The following NELL1 variants were observed in gnomAD, a reference collection of about 807,000 sequenced individuals.
The protein encoded by NELL1 is neural EGFL like 1.
In NELL1, 76 loss-of-function variants were observed where a neutral mutation model predicts 107.4. The ratio of observed to expected loss-of-function variants is 0.71; its 90% CI spans 0.59 to 0.86. NELL1 has a LOEUF of 0.86. Among genes scored for constraint, NELL1 ranks in the 40% least tolerant of loss-of-function variants. The pLI is 0.00. For synonymous variants in NELL1, 353 were observed against 341.2 expected, an observed-to-expected ratio of 1.03 and a Z score of -0.38; for missense variants, 1,024 against 1,005.5, an observed-to-expected ratio of 1.02 and a Z score of -0.25.
intron 2 of NELL1, among the ~76,000 whole-genome samples, chr11:20,718,165 C>T (rs952580212): frequency 6.6e-6 from 1 of 152,152 alleles, no homozygotes; most frequent in African/African-American, 2.4e-5. Flanking sequence ...TCCAGAGCAG[C>T]ATTATCCAAT....
At chr11:20,877,092 G>A (rs958641116) in intron 4 of NELL1, among the ~76,000 whole-genome samples, 1 of 152,122 alleles carries the variant, frequency 6.6e-6, no homozygotes, top group African/African-American at 2.4e-5. Flanking sequence ...TACCATATTG[G>A]GCAGGGAAAA....
intron 15 of NELL1, among the ~76,000 whole-genome samples, chr11:21,518,708 C>G (rs1855636968): frequency 6.6e-6 from 1 of 152,146 alleles, no homozygotes; most frequent in South Asian, 2.1e-4. Context: ...ACAGTGTGAT[C>G]TACTGAGAGG....
At chr11:21,150,751 C>T (rs918170550) in intron 13 of NELL1, among the ~76,000 whole-genome samples, 9 of 152,032 alleles carry the variant, frequency 5.9e-5, no homozygotes, top group African/African-American at 2.2e-4. Flanking sequence ...GAGTGAGACC[C>T]AGAATTAGGT....
At chr11:21,559,400 G>T (rs767384900) in intron 16 of NELL1, among the ~76,000 whole-genome samples, 8 of 152,076 alleles carry the variant, frequency 5.3e-5, no homozygotes, top group East Asian at 1.9e-4. Context: ...TTAAGCCAGG[G>T]TTGGACAGGT....
At chr11:20,932,939 A>G (rs780163281) in intron 9 of NELL1, among the ~76,000 whole-genome samples, 1 of 152,270 alleles carries the variant, frequency 6.6e-6, no homozygotes, top group Non-Finnish European at 1.5e-5. Context: ...GGAAAACGTC[A>G]TAGGTAACAG....
chr11:21,180,684 T>G (rs1003553846), intron 13 of NELL1, among the ~76,000 whole-genome samples: 1 of 151,686 alleles, frequency 6.6e-6, no homozygotes, highest in African/African-American at 2.4e-5. Flanking sequence ...TCATAGAAGT[T>G]CCTTAGCTAT....
chr11:21,026,754 G>A (rs1289170012), intron 12 of NELL1, among the ~76,000 whole-genome samples: 2 of 152,082 alleles, frequency 1.3e-5, no homozygotes, highest in African/African-American at 4.8e-5. Flanking sequence ...AATATTCACC[G>A]TGATCCTTTG....
At chr11:21,246,229 TTA>T (rs1858488031) in intron 14 of NELL1, among the ~76,000 whole-genome samples, 1 of 152,164 alleles carries the variant, frequency 6.6e-6, no homozygotes, top group South Asian at 2.1e-4. Flanking sequence ...TGTCTCCATA[TTA>T]TATGTGAGCA....
chr11:21,143,802 A>G (rs1855917943), intron 13 of NELL1, among the ~76,000 whole-genome samples: 1 of 152,146 alleles, frequency 6.6e-6, no homozygotes, highest in Admixed American at 6.5e-5. Flanking sequence ...CTCCATTATA[A>G]AGTCCCGGCA....
chr11:21,336,985 T>C (rs1019709374), intron 14 of NELL1, among the ~76,000 whole-genome samples: 3 of 152,034 alleles, frequency 2.0e-5, no homozygotes, highest in Non-Finnish European at 4.4e-5. Context: ...TTATGCTCAG[T>C]TAAACAATAT....
At chr11:21,273,624 A>C (rs1015570137) in intron 14 of NELL1, among the ~76,000 whole-genome samples, 2 of 152,340 alleles carry the variant, frequency 1.3e-5, no homozygotes, top group East Asian at 1.9e-4. Flanking sequence ...AGTTGAAATG[A>C]AGGAAAAAAT....
chr11:21,460,644 G>A (rs1277198406), intron 15 of NELL1, among the ~76,000 whole-genome samples: 1 of 152,004 alleles, frequency 6.6e-6, no homozygotes, highest in Non-Finnish European at 1.5e-5. Flanking sequence ...GGATAAATTT[G>A]GCTATTTTCT....
chr11:21,377,020 A>G (rs1420046633), intron 15 of NELL1, among the ~76,000 whole-genome samples: 2 of 151,942 alleles, frequency 1.3e-5, no homozygotes, highest in African/African-American at 4.8e-5. Context: ...TCTTTTCCTA[A>G]TAGGTTGCCT....
intron 12 of NELL1, among the ~76,000 whole-genome samples, chr11:21,104,060 T>C (rs137946256): frequency 5.9e-5 from 9 of 152,252 alleles, no homozygotes; most frequent in African/African-American, 1.9e-4. Context: ...CAAAAGACGA[T>C]AGTAGCTTTT....
At chr11:21,443,615 G>T (rs554521350) in intron 15 of NELL1, among the ~76,000 whole-genome samples, 56 of 151,906 alleles carry the variant, frequency 3.7e-4, no homozygotes, top group Middle Eastern at 3.4e-3. Context: ...TAGGTTGGCT[G>T]TTGGGCTCAT....
chr11:20,783,877 G>A (rs562639693), intron 3 of NELL1, 47 bp downstream of exon 3: 3 of 1,520,572 alleles, frequency 2.0e-6, no homozygotes, highest in African/African-American at 2.8e-5. Flanking sequence ...GAGTTAATGG[G>A]TTATACAAAA....
At chr11:21,327,593 T>G (rs1850174843) in intron 14 of NELL1, among the ~76,000 whole-genome samples, 2 of 152,102 alleles carry the variant, frequency 1.3e-5, no homozygotes, top group Non-Finnish European at 2.9e-5. Context: ...TACTGTGTAG[T>G]GGGGCACCAC....
chr11:21,006,842 C>G (rs147054725), intron 12 of NELL1, among the ~76,000 whole-genome samples: 1 of 152,098 alleles, frequency 6.6e-6, no homozygotes, highest in Non-Finnish European at 1.5e-5. Flanking sequence ...GGGAAGCGGG[C>G]AGGCTGGGCC....
At position 21,573,415 on chromosome 11, in the gene NELL1, T is replaced by C. The variant is rs755115988; in HGVS notation, c.2382+6T>C. 6.2e-7 allele frequency: 1 copy of C among 1,609,364 alleles called. No individual in the cohort carries two copies. Among genetic ancestry groups the C allele is most frequent in the Middle Eastern group, 1.9e-4 (1 of 5,348 alleles). ...GCACAACCTGTAAATGCAAGGTAATTGGATGTTCTGCGGATATTGAAGCCT... is the reference window on the plus strand; with the variant it reads ...GCACAACCTGTAAATGCAAGGTAATCGGATGTTCTGCGGATATTGAAGCCT... On this transcript the variant is annotated splice_donor_region_variant and intron_variant, in intron 19 of 19. Coordinates refer to ENST00000357134, the MANE Select transcript of NELL1 (RefSeq NM_006157.5).
Sources: gnomAD v4.1 joint callset for allele counts (sites outside exome capture counted in the v4.1 genomes callset) on GRCh38, gnomAD v4.1.1 for gene constraint, MANE v1.5 for transcripts, NCBI Gene and HGNC (gene_info 2026-07-23, HGNC 2026-07-21) for gene names.